Variants in SFRP2 observed in about 807,000 individuals in gnomAD.
SFRP2 encodes secreted frizzled related protein 2, also known as secreted frizzled-related protein 2.
Under a neutral mutation model 26.0 loss-of-function variants are expected in SFRP2, and 16 were observed. That is an observed-to-expected ratio of 0.61 (90% CI 0.42 to 0.93). SFRP2 has a LOEUF of 0.93. Among genes scored for constraint, SFRP2 ranks in the 40% least tolerant of loss-of-function variants. The pLI, the probability that SFRP2 is intolerant of heterozygous loss-of-function variation, is 0.00. For missense variants in SFRP2, 343 were observed against 392.4 expected, an observed-to-expected ratio of 0.87 and a Z score of 1.06; for synonymous variants, 173 against 167.3, an observed-to-expected ratio of 1.03 and a Z score of -0.26.
chr4:153,781,221 C>T lies in SFRP2; in HGVS notation c.*230G>A, dbSNP rs1162008704. Reference sequence around the variant, plus strand: ...CATGATTTTATTAGTTTGAATATTTCTACAAGATTCGGGTGGGCTTTTCCT... The same window carrying T: ...CATGATTTTATTAGTTTGAATATTTTTACAAGATTCGGGTGGGCTTTTCCT... On this transcript the variant is annotated 3_prime_UTR_variant, in exon 3 of 3. Coordinates refer to ENST00000274063, the MANE Select transcript of SFRP2 (RefSeq NM_003013.3). 3.8e-6 allele frequency: 2 copies of T among 531,126 alleles called. No homozygotes were observed. The allele number at this position is 531,126 out of a possible 1,614,324, so 32.9% of individuals were successfully genotyped here.
At position 153,781,248 on chromosome 4, in the gene SFRP2, T is replaced by C. The variant is rs1741114590; in HGVS notation, c.*203A>G. 1 of 554,082 alleles carries C rather than the reference T, an allele frequency of 1.8e-6. No individual in the cohort carries two copies. Among genetic ancestry groups the C allele is most frequent in the African/African-American group, 1.9e-5 (1 of 53,426 alleles). The allele number at this position is 554,082 out of a possible 1,614,324, so 34.3% of individuals were successfully genotyped here. A position where few individuals can be genotyped will look rare whatever the true frequency, so the allele number is the denominator to read the frequency against. ...ACAAGATTCGGGTGGGCTTTTCCTT[T>C]AGGTGAAAACAGCTATCCACTCCTG... On this transcript the variant is annotated 3_prime_UTR_variant, in exon 3 of 3. Coordinates refer to ENST00000274063, the MANE Select transcript of SFRP2 (RefSeq NM_003013.3).
chr4:153,784,715 A>G (rs1415663574), intron 2 of SFRP2, among the ~76,000 whole-genome samples: 2 of 152,342 alleles, frequency 1.3e-5, no homozygotes, highest in East Asian at 3.8e-4. Flanking sequence ...TTGAATATGT[A>G]GAAGTGTTAA....
At chr4:153,785,976 T>C in intron 1 of SFRP2, 32 bp from the exon 2 acceptor site, 1 of 1,483,736 alleles carries the variant, frequency 6.7e-7, no homozygotes, top group Middle Eastern at 1.7e-4. Context: ...TTTAGTAAGT[T>C]TGCTTAAAAG....
In SFRP2 at chr4:153,789,025, C is replaced by T; in HGVS notation, c.-190G>A. The T allele has an allele frequency of 3.3e-6, 2 of 603,752 alleles. No individual in the cohort carries two copies. Among genetic ancestry groups the T allele is most frequent in the Admixed American group, 3.8e-5 (1 of 26,614 alleles). 37.4% of individuals were successfully genotyped at this position (603,752 alleles called of 1,614,324 possible). Reference sequence around the variant, plus strand: ...GACAGCGCGGGCGAGGCGCTGCAAGCCCGCGCGCAGCTCCGGGGGGCTCCG... The same window carrying T: ...GACAGCGCGGGCGAGGCGCTGCAAGTCCGCGCGCAGCTCCGGGGGGCTCCG... On this transcript the variant is annotated 5_prime_UTR_variant, in exon 1 of 3. Coordinates refer to ENST00000274063, the MANE Select transcript of SFRP2 (RefSeq NM_003013.3).
At chr4:153,786,311 A>C (rs1460847910) in intron 1 of SFRP2, among the ~76,000 whole-genome samples, 1 of 152,218 alleles carries the variant, frequency 6.6e-6, no homozygotes, top group Non-Finnish European at 1.5e-5. Flanking sequence ...TTCAGTCTGA[A>C]AAAGTTATTC....
In SFRP2 at chr4:153,788,807, A is replaced by G. The variant is rs1373042834; in HGVS notation, c.29T>C (p.Leu10Pro). 6.2e-7 allele frequency: 1 copy of G among 1,602,092 alleles called. No individual in the cohort carries two copies. The highest frequency in any genetic ancestry group is 8.5e-7 in the Non-Finnish European group (1 of 1,179,006). Residue 10 changes from leucine to proline, a missense_variant, in exon 1 of 3, where the codon CTG becomes CCG. This residue lies in a region of SFRP2 where 251 missense variants were observed against 253.3 expected (regional missense o/e 0.99). Transcript: ENST00000274063. Reference sequence around the variant, plus strand: ...GCAGCAGTGCGAGGCGAGGAAGAGCAGCAGCAGCGAGCCAGGGCCCTGCAG... The same window carrying G: ...GCAGCAGTGCGAGGCGAGGAAGAGCGGCAGCAGCGAGCCAGGGCCCTGCAG... Reference protein sequence around the residue: MLQGPGSLLLLFLASHCCLG... With the variant: MLQGPGSLLPLFLASHCCLG...
chr4:153,788,508 T>G lies in SFRP2; in HGVS notation c.328A>C (p.Thr110Pro), dbSNP rs1741252592. 6.2e-7 allele frequency: 1 copy of G among 1,614,046 alleles called. No individual in the cohort carries two copies. The highest frequency in any genetic ancestry group is 8.5e-7 in the Non-Finnish European group (1 of 1,180,010). Reference sequence around the variant, plus strand: ...CAGAGCGAGTGGCATGGCTGGATGGTCTCGTCTAGGTCATCGAGGCAGACG... The same window carrying G: ...CAGAGCGAGTGGCATGGCTGGATGGGCTCGTCTAGGTCATCGAGGCAGACG... ...APVCLDDLDE[T>P]IQPCHSLCVQ... The change falls in exon 1 of 3, where the codon ACC becomes CCC. Residue 110 changes from threonine (T) to proline (P), a missense_variant. Thr to Pro is a conservative substitution (Grantham distance 38). Around this residue, in one of 2 missense-constraint regions of SFRP2, gnomAD observed 251 missense variants for 253.3 expected, o/e 0.99. Coordinates refer to ENST00000274063, the MANE Select transcript of SFRP2 (RefSeq NM_003013.3).
intron 2 of SFRP2, among the ~76,000 whole-genome samples, chr4:153,782,429 G>A (rs1741135728): frequency 6.6e-6 from 1 of 152,244 alleles, no homozygotes; most frequent in South Asian, 2.1e-4. Context: ...AGGCGTTTAC[G>A]GATCATATAT....
At chr4:153,788,267 C>G in intron 1 of SFRP2, 67 bp downstream of exon 1, 1 of 1,544,750 alleles carries the variant, frequency 6.5e-7, no homozygotes, top group South Asian at 1.2e-5. Flanking sequence ...GGATGCGTGG[C>G]AGGGGCGGGA....
intron 1 of SFRP2, among the ~76,000 whole-genome samples, chr4:153,786,196 A>T (rs1741205785): frequency 6.6e-6 from 1 of 152,206 alleles, no homozygotes; most frequent in Non-Finnish European, 1.5e-5. Context: ...TTAATAAATT[A>T]TGACTCTCAA....
Position 153,781,432 on chromosome 4 carries a change from A to G in SFRP2, c.*19T>C, listed in dbSNP as rs1741119619. Reference sequence around the variant, plus strand: ...CCGTGCTCTGGAGCAGGCCTGTCGGAGCCATCAGGATGCCGGGACTAGCAC... The same window carrying G: ...CCGTGCTCTGGAGCAGGCCTGTCGGGGCCATCAGGATGCCGGGACTAGCAC... On this transcript the variant is annotated 3_prime_UTR_variant, in exon 3 of 3. Transcript: ENST00000274063. 1.2e-6 allele frequency: 2 copies of G among 1,602,608 alleles called. No homozygotes were observed. Among genetic ancestry groups the G allele is most frequent in the Non-Finnish European group, 1.7e-6 (2 of 1,174,968 alleles).
In SFRP2 at chr4:153,788,386, G is replaced by T. The variant is rs775477124; in HGVS notation, c.450C>A (p.Asp150Glu). ...LECDRFPQDN[D>E]LCIPLASSDH... ...CGCTGCTAGCGAGGGGGATGCAAAGGTCGTTGTCCTGGGGGAAACGGTCGC... is the reference window on the plus strand; with the variant it reads ...CGCTGCTAGCGAGGGGGATGCAAAGTTCGTTGTCCTGGGGGAAACGGTCGC... The change falls in exon 1 of 3, where the codon GAC becomes GAA. Residue 150 changes from aspartate to glutamate, a missense_variant. Coordinates refer to ENST00000274063, the MANE Select transcript of SFRP2 (RefSeq NM_003013.3). 1.2e-6 allele frequency: 2 copies of T among 1,613,660 alleles called. No individual in the cohort carries two copies. Among genetic ancestry groups the T allele is most frequent in the African/African-American group, 2.7e-5 (2 of 74,942 alleles).
chr4:153,781,309 C>T lies in SFRP2; in HGVS notation c.*142G>A, dbSNP rs1034027860. Reference sequence around the variant, plus strand: ...ACTCAGGAAATGCTGGGGATGCAAACGTGCAAAAGGCAGGGGGAAGCTGCC... The same window carrying T: ...ACTCAGGAAATGCTGGGGATGCAAATGTGCAAAAGGCAGGGGGAAGCTGCC... On this transcript the variant is annotated 3_prime_UTR_variant, in exon 3 of 3. Transcript: ENST00000274063. 2 of 694,926 alleles carry T rather than the reference C, an allele frequency of 2.9e-6. No individual in the cohort carries two copies. The highest frequency in any genetic ancestry group is 1.8e-5 in the African/African-American group (1 of 55,854). The allele number at this position is 694,926 out of a possible 1,614,324, so 43.0% of individuals were successfully genotyped here. A position where few individuals can be genotyped will look rare whatever the true frequency, so the allele number is the denominator to read the frequency against.
Position 153,788,777 on chromosome 4 carries a change from C to T in SFRP2, c.59G>A (p.Gly20Asp), listed in dbSNP as rs1206787522. 1.2e-6 allele frequency: 2 copies of T among 1,610,314 alleles called. No homozygotes were observed. The highest frequency in any genetic ancestry group is 2.2e-5 in the South Asian group (2 of 91,064). ...AAAGAGGAAGAGCCCGCGCGCCGAG[C>T]CCAGGCAGCAGTGCGAGGCGAGGAA... ...LLFLASHCCL[G>D]SARGLFLFGQ... The change falls in exon 1 of 3, where the codon GGC (glycine) becomes GAC (aspartate). Residue 20 changes from glycine (G) to aspartate (D), a missense_variant. By Grantham distance (94) the Gly-to-Asp change is moderately conservative. This residue lies in a region of SFRP2 where 251 missense variants were observed against 253.3 expected (regional missense o/e 0.99). Transcript: ENST00000274063.
intron 2 of SFRP2, 105 bp from the exon 3 acceptor site, chr4:153,781,860 AG>A (rs1286475506): frequency 9.8e-7 from 1 of 1,021,444 alleles, no homozygotes; most frequent in Middle Eastern, 2.7e-4. Context: ...GAGGAAAGAG[AG>A]GCTTCCTAGA....
rs761355765 is a variant in SFRP2, at chr4:153,788,604, C to T, written c.232G>A (p.Ala78Thr). The T allele has an allele frequency of 1.2e-6, 2 of 1,614,148 alleles. No homozygotes were observed. Among genetic ancestry groups the T allele is most frequent in the African/African-American group, 1.3e-5 (1 of 75,048 alleles). ...TMKEVLEQAG[A>T]WIPLVMKQCH... is the part of the protein sequence containing the mutation. ...TGCTTCATGACCAGCGGGATCCAAG[C>T]GCCGGCCTGCTCCAGCACCTCCTTC... is the stretch of plus-strand genomic sequence containing the variant. Residue 78 changes from alanine (A) to threonine (T), a missense_variant, in exon 1 of 3, where the codon GCT becomes ACT. Transcript: ENST00000274063.
intron 2 of SFRP2, among the ~76,000 whole-genome samples, chr4:153,783,891 A>G (rs1456405790): frequency 1.3e-5 from 2 of 152,214 alleles, no homozygotes. Context: ...AGAAATAGAA[A>G]ACAAAGCTTG....
chr4:153,786,467 GTATC>G (rs1298308657), intron 1 of SFRP2, among the ~76,000 whole-genome samples: 2 of 151,344 alleles, frequency 1.3e-5, no homozygotes, highest in Non-Finnish European at 2.9e-5. Context: ...GCAGAGCTCT[GTATC>G]TCAGGGGGGC....
chr4:153,781,901 G>A (rs894141662), intron 2 of SFRP2, 146 bp from the exon 3 acceptor site: 4 of 702,970 alleles, frequency 5.7e-6, no homozygotes, highest in East Asian at 5.2e-5. Flanking sequence ...GCTGCAGATC[G>A]GGGGTTGGGA....
Sources: gnomAD v4.1 joint callset for allele counts (sites outside exome capture counted in the v4.1 genomes callset) on GRCh38, gnomAD v4.1.1 for gene constraint, gnomAD v4.1.1 regional missense constraint, MANE v1.5 for transcripts, NCBI Gene and HGNC (gene_info 2026-07-23, HGNC 2026-07-21) for gene names.